MYOM3: variants seen among roughly 807,000 people sequenced by gnomAD.
MYOM3 encodes myomesin 3, also known as myomesin-3.
MYOM3 carries 155 observed loss-of-function variants against 191.7 expected under a neutral mutation model. The observed-to-expected ratio is 0.81, with a 90% CI of 0.71 to 0.92. MYOM3 has a LOEUF of 0.92. MYOM3 is among the 40% of genes least tolerant of loss of function. MYOM3 has a pLI of 0.00. For missense variants in MYOM3, 1,889 were observed against 1,890.6 expected, an observed-to-expected ratio of 1.00 and a Z score of 0.02; for synonymous variants, 757 against 762.9, an observed-to-expected ratio of 0.99 and a Z score of 0.13.
chr1:24,111,401 A>G lies in MYOM3; in HGVS notation c.-19+630T>C, dbSNP rs977347336. Among the ~76,000 whole-genome samples the G allele has an allele frequency of 6.6e-6, 1 of 152,236 alleles. No individual in the cohort carries two copies. Among genetic ancestry groups the G allele is most frequent in the African/African-American group, 2.4e-5 (1 of 41,468 alleles). ...ATGGGGGCGGATGGTGGCTGGGAGC[A>G]GAGACACATCCTGCGGGCGGCGGGT... On this transcript the variant is annotated intron_variant, in intron 1 of 36. Transcript: ENST00000374434. This position sits in a 1 kb window ranked among gnomAD's most constrained non-coding sequence, Gnocchi z 4.7.
chr1:24,107,326 A>T (rs1365314703), intron 3 of MYOM3, 94 bp from the exon 4 acceptor site: 1 of 1,202,460 alleles, frequency 8.3e-7, no homozygotes, highest in Admixed American at 2.9e-5. Context: ...CAGTGCCAGG[A>T]TGCTTTAAAC....
In MYOM3 at chr1:24,063,304, G is replaced by A. The variant is rs1361786258; in HGVS notation, c.3662-70C>T. On this transcript the variant is annotated intron_variant, in intron 31 of 36. Transcript: ENST00000374434. The surrounding 1 kb of genome is among the most constrained non-coding windows in gnomAD (Gnocchi z 4.5). Reference sequence around the variant, plus strand: ...AGGCATCAGATTTTGGGGCCGGCTTGTCTGCCTCTGCCCTGGGGGGCAGGT... The same window carrying A: ...AGGCATCAGATTTTGGGGCCGGCTTATCTGCCTCTGCCCTGGGGGGCAGGT... 2.8e-6 allele frequency: 4 copies of A among 1,439,888 alleles called. No individual in the cohort carries two copies. Among genetic ancestry groups the A allele is most frequent in the Non-Finnish European group, 3.9e-6 (4 of 1,024,082 alleles). 89.2% of individuals were successfully genotyped at this position (1,439,888 alleles called of 1,614,324 possible).
At chr1:24,091,292 G>T (rs1643821391) in intron 11 of MYOM3, among the ~76,000 whole-genome samples, 1 of 152,152 alleles carries the variant, frequency 6.6e-6, no homozygotes, top group African/African-American at 2.4e-5. Flanking sequence ...GTCCTAGGGG[G>T]CACGTGTGGT....
Position 24,090,940 on chromosome 1 carries a change from C to G in MYOM3, c.1289G>C (p.Cys430Ser), listed in dbSNP as rs746117980. The G allele has an allele frequency of 1.9e-6, 3 of 1,614,160 alleles. No individual in the cohort carries two copies. The highest frequency in any genetic ancestry group is 2.2e-5 in the South Asian group (2 of 91,086). Residue 430 changes from cysteine (C) to serine (S), a missense_variant, in exon 12 of 37, where the codon TGT (cysteine) becomes TCT (serine). Physicochemically the swap from Cys to Ser is moderately radical, Grantham distance 112. Transcript: ENST00000374434. Reference sequence around the variant, plus strand: ...GACGAGGCCTTGGATTGGGCACCGACAAGTCCCTCCGGGGGCCTCATGGCA... The same window carrying G: ...GACGAGGCCTTGGATTGGGCACCGAGAAGTCCCTCCGGGGGCCTCATGGCA... ...IACHEAPGGTCRCPIQGLVEG... is the reference protein window; with the variant it reads ...IACHEAPGGTSRCPIQGLVEG...
intron 16 of MYOM3, 132 bp downstream of exon 16, chr1:24,084,336 G>T: frequency 1.0e-6 from 1 of 990,404 alleles, no homozygotes; most frequent in Non-Finnish European, 1.5e-6. Context: ...GGCCTCCCCA[G>T]AAAAAGAAGC....
In MYOM3 at chr1:24,094,890, A is replaced by G; in HGVS notation, c.891T>C (p.Asp297=). 2 of 1,613,950 alleles carry G rather than the reference A, an allele frequency of 1.2e-6. No individual in the cohort carries two copies. The highest frequency in any genetic ancestry group is 1.7e-6 in the Non-Finnish European group (2 of 1,179,950). The change falls in exon 9 of 37, where the codon GAT becomes GAC. Residue 297 remains aspartate, a synonymous_variant. Coordinates refer to ENST00000374434, the MANE Select transcript of MYOM3 (RefSeq NM_152372.4). ...ACTGGATGCTCTCAGCATCTAACACATCTTCCGAAAACAAGCATGACAGGG... is the reference window on the plus strand; with the variant it reads ...ACTGGATGCTCTCAGCATCTAACACGTCTTCCGAAAACAAGCATGACAGGG... ...PFSLSCLFSE[D]VLDAESIQWF...
Position 24,105,999 on chromosome 1 carries a change from G to T in MYOM3, c.481C>A (p.Arg161Ser). ...GRGPWFWIPL[R>S]SHAVWEHTTV... ...GTGTGCTCCCAGACGGCGTGGGAGCGAAGAGGGATCCAGAACCAGGGCCCG... is the reference window on the plus strand; with the variant it reads ...GTGTGCTCCCAGACGGCGTGGGAGCTAAGAGGGATCCAGAACCAGGGCCCG... The change falls in exon 5 of 37, where the codon CGC (arginine) becomes AGC (serine). Residue 161 changes from arginine to serine, a missense_variant. Transcript: ENST00000374434. The T allele has an allele frequency of 6.2e-7, 1 of 1,613,932 alleles. No individual in the cohort carries two copies. The highest frequency in any genetic ancestry group is 8.5e-7 in the Non-Finnish European group (1 of 1,179,942).
chr1:24,092,209 G>C lies in MYOM3; in HGVS notation c.1197C>G (p.Thr399=), dbSNP rs1570879186. 6.9e-7 allele frequency: 1 copy of C among 1,455,890 alleles called. No homozygotes were observed. The highest frequency in any genetic ancestry group is 1.5e-5 in the South Asian group (1 of 68,560). The allele number at this position is 1,455,890 out of a possible 1,614,324, so 90.2% of individuals were successfully genotyped here. A position where few individuals can be genotyped will look rare whatever the true frequency, so the allele number is the denominator to read the frequency against. ...LILTWAPPSD[T]RGNPITAYTI... is the part of the protein sequence containing the mutation. ...TGTAGGCAGTGATGGGGTTGCCCCG[G>C]GTGTCACTGGGCGGGGCCCAAGTCA... The change falls in exon 11 of 37, where the codon ACC becomes ACG. Residue 399 remains threonine (T), a synonymous_variant. Coordinates refer to ENST00000374434, the MANE Select transcript of MYOM3 (RefSeq NM_152372.4).
rs1480141378 is a variant in MYOM3 at position 24,108,013 on chromosome 1, C to T, written c.222G>A (p.Thr74=). 12 of 1,613,536 alleles carry T rather than the reference C, an allele frequency of 7.4e-6. No individual in the cohort carries two copies. The highest frequency in any genetic ancestry group is 5.0e-5 in the Admixed American group (3 of 59,982). The stretch of plus-strand genomic sequence containing the variant: ...CTCACCAAGACAGCTCGGAGGAGGC[C>T]GTCAGAGCCAGGGCTGCTGCCAGGG... ...DYALAAALAL[T]ASSELSWEAQ... The change falls in exon 3 of 37, where the codon ACG becomes ACA. Residue 74 remains threonine, a synonymous_variant. Transcript: ENST00000374434.
At chr1:24,104,746 G>T (rs957007473) in intron 5 of MYOM3, among the ~76,000 whole-genome samples, 1 of 152,106 alleles carries the variant, frequency 6.6e-6, no homozygotes, top group African/African-American at 2.4e-5. Context: ...ATGGGGTCTC[G>T]CCAGCTGCCC....
chr1:24,085,129 G>GATGGATGA (rs1643720598), intron 15 of MYOM3, among the ~76,000 whole-genome samples: 1 of 151,844 alleles, frequency 6.6e-6, no homozygotes, highest in Non-Finnish European at 1.5e-5. Flanking sequence ...TGGATGGATG[G>GATGGATGA]ATGGATGGAT....
intron 2 of MYOM3, 84 bp downstream of exon 2, chr1:24,108,392 C>A (rs1644005333): frequency 7.2e-7 from 1 of 1,382,092 alleles, no homozygotes; most frequent in Admixed American, 3.0e-5. Context: ...TTGGAGCCTC[C>A]AGAGGGCTAG....
chr1:24,097,139 G>A (rs1196774915), intron 7 of MYOM3, among the ~76,000 whole-genome samples: 2 of 152,210 alleles, frequency 1.3e-5, no homozygotes, highest in Non-Finnish European at 2.9e-5. Context: ...GCTGGAAAAT[G>A]TGCAAAAGGA....
chr1:24,073,817 C>T (rs549506004), intron 23 of MYOM3, among the ~76,000 whole-genome samples: 5 of 137,498 alleles, frequency 3.6e-5, no homozygotes, highest in South Asian at 2.3e-4. Context: ...GAGCCGAGAT[C>T]GTGCCACTGC....
At chr1:24,057,682 C>A in intron 36 of MYOM3, 55 bp from the exon 37 acceptor site, 1 of 1,535,672 alleles carries the variant, frequency 6.5e-7, no homozygotes, top group South Asian at 1.2e-5. Context: ...TTGAACTTAG[C>A]ATTTGCTTTC....
At chr1:24,110,489 C>T (rs1644029609) in intron 1 of MYOM3, among the ~76,000 whole-genome samples, 1 of 152,124 alleles carries the variant, frequency 6.6e-6, no homozygotes, top group African/African-American at 2.4e-5. Context: ...TATTGGAGAG[C>T]CGTTGGCCTG....
chr1:24,103,842 G>C (rs1052227627), intron 5 of MYOM3, among the ~76,000 whole-genome samples: 1 of 138,846 alleles, frequency 7.2e-6, no homozygotes, highest in African/African-American at 2.8e-5. Context: ...ATGCTTAAAA[G>C]GTAGCTTGAC....
rs1268323026 is a variant in MYOM3, at chr1:24,063,791, G to A, written c.3623-261C>T. Among the ~76,000 whole-genome samples, 2 of 152,152 alleles carry A rather than the reference G, an allele frequency of 1.3e-5. No homozygotes were observed. The highest frequency in any genetic ancestry group is 2.9e-5 in the Non-Finnish European group (2 of 68,020). Reference sequence around the variant, plus strand: ...TGCAGGCTGAGCTGATCAGCCTGATGAGGAGCCTGGGCCCACTGTGGGACG... The same window carrying A: ...TGCAGGCTGAGCTGATCAGCCTGATAAGGAGCCTGGGCCCACTGTGGGACG... On this transcript the variant is annotated intron_variant, in intron 30 of 36. Coordinates refer to ENST00000374434, the MANE Select transcript of MYOM3 (RefSeq NM_152372.4). This position sits in a 1 kb window ranked among gnomAD's most constrained non-coding sequence, Gnocchi z 4.5.
chr1:24,063,140 G>A lies in MYOM3; in HGVS notation c.3756C>T (p.Thr1252=). 1.2e-6 allele frequency: 2 copies of A among 1,609,402 alleles called. No homozygotes were observed. Among genetic ancestry groups the A allele is most frequent in the Non-Finnish European group, 1.7e-6 (2 of 1,175,976 alleles). The part of the protein sequence containing the change: ...VKYYNVEYMK[T]TWFHKDKRLE... ...GGCGGACTTACTTGTGGAACCAGGT[G>A]GTTTTCATGTACTCCACGTTGTAGT... The change falls in exon 32 of 37, where the codon ACC becomes ACT. Residue 1252 remains threonine, a synonymous_variant. Coordinates refer to ENST00000374434, the MANE Select transcript of MYOM3 (RefSeq NM_152372.4). This position sits in a 1 kb window ranked among gnomAD's most constrained non-coding sequence, Gnocchi z 4.5.
Sources: gnomAD v4.1 joint callset for allele counts (sites outside exome capture counted in the v4.1 genomes callset) on GRCh38, gnomAD v4.1.1 for gene constraint, Gnocchi (gnomAD v3.1) non-coding constraint, MANE v1.5 for transcripts, NCBI Gene and HGNC (gene_info 2026-07-23, HGNC 2026-07-21) for gene names.